Variants in NRXN1 observed in about 807,000 individuals in gnomAD.
NRXN1 encodes the protein neurexin 1.
Under a neutral mutation model 150.9 loss-of-function variants are expected in NRXN1, and 39 were observed. That is an observed-to-expected ratio of 0.26 (90% CI 0.20 to 0.34). The LOEUF (loss-of-function observed/expected upper bound fraction) is 0.34, where lower values mean the gene tolerates loss of function less well. NRXN1 is among the 10% of genes least tolerant of loss of function. The probability of loss-of-function intolerance (pLI) is 1.00; values close to 1 mark genes in which losing one functional copy is unlikely to be tolerated. For missense variants in NRXN1, 1,815 were observed against 1,949.9 expected (o/e 0.93, Z 1.30); for synonymous variants, 924 against 757.0 (o/e 1.22, Z -3.62).
intron 17 of NRXN1, among the ~76,000 whole-genome samples, chr2:50,246,944 T>G (rs1211981479): frequency 6.6e-6 from 1 of 152,108 alleles, no homozygotes; most frequent in African/African-American, 2.4e-5. Context: ...GTGCTTTTAT[T>G]CACTTACTAA....
At chr2:50,124,400 T>C (rs1181438566) in intron 18 of NRXN1, among the ~76,000 whole-genome samples, 2 of 152,190 alleles carry the variant, frequency 1.3e-5, no homozygotes, top group African/African-American at 4.8e-5. Context: ...CTGAACATCA[T>C]TTTTCATATC....
intron 5 of NRXN1, among the ~76,000 whole-genome samples, chr2:50,903,813 T>C (rs1361504647): frequency 6.6e-6 from 1 of 152,162 alleles, no homozygotes; most frequent in Non-Finnish European, 1.5e-5. Context: ...TGAACTTCTG[T>C]GATTTACTCA....
At chr2:49,949,255 C>T (rs917457266) in intron 21 of NRXN1, among the ~76,000 whole-genome samples, 1 of 151,878 alleles carries the variant, frequency 6.6e-6, no homozygotes, top group Non-Finnish European at 1.5e-5. Flanking sequence ...TAGAGAAACA[C>T]AGATGTATGT....
At chr2:50,609,899 C>T (rs748290738) in intron 8 of NRXN1, among the ~76,000 whole-genome samples, 1 of 152,012 alleles carries the variant, frequency 6.6e-6, no homozygotes, top group Non-Finnish European at 1.5e-5. Flanking sequence ...CACTCAGTCA[C>T]CAATTTTTCT....
At chr2:49,935,491 C>T (rs1486668116) in intron 22 of NRXN1, among the ~76,000 whole-genome samples, 2 of 152,078 alleles carry the variant, frequency 1.3e-5, no homozygotes, top group Admixed American at 6.6e-5. Context: ...TTGCCAGTGT[C>T]AGGCTTCTTA....
intron 17 of NRXN1, among the ~76,000 whole-genome samples, chr2:50,320,041 C>A (rs141195157): frequency 6.6e-6 from 1 of 151,552 alleles, no homozygotes; most frequent in Non-Finnish European, 1.5e-5. Context: ...CCTAACATTT[C>A]CCTAACTATG....
At chr2:50,204,842 G>C (rs369509903) in intron 18 of NRXN1, among the ~76,000 whole-genome samples, 44 of 152,064 alleles carry the variant, frequency 2.9e-4, no homozygotes, top group African/African-American at 1.1e-3. Context: ...ATCTGGATTA[G>C]TTATCATAAA....
intron 18 of NRXN1, among the ~76,000 whole-genome samples, chr2:50,186,306 A>G (rs1008852114): frequency 6.6e-6 from 1 of 152,122 alleles, no homozygotes; most frequent in African/African-American, 2.4e-5. Context: ...CTAAGTCTTC[A>G]TGTCAACATT....
intron 17 of NRXN1, among the ~76,000 whole-genome samples, chr2:50,307,070 T>C (rs1421775064): frequency 1.3e-5 from 2 of 152,020 alleles, no homozygotes; most frequent in Non-Finnish European, 2.9e-5. Flanking sequence ...CTGCAACCTC[T>C]GCCTCCCGGG....
At chr2:50,860,435 C>T (rs1407671896) in intron 5 of NRXN1, among the ~76,000 whole-genome samples, 1 of 151,942 alleles carries the variant, frequency 6.6e-6, no homozygotes, top group East Asian at 1.9e-4. Flanking sequence ...GTTTGAGGTG[C>T]GACCTGCAGA....
chr2:50,376,696 G>T (rs925120590), intron 17 of NRXN1, among the ~76,000 whole-genome samples: 1 of 152,150 alleles, frequency 6.6e-6, no homozygotes, highest in African/African-American at 2.4e-5. Context: ...AATTTTCTCT[G>T]TGGCGGATGA....
chr2:50,221,662 T>C (rs999849538), intron 18 of NRXN1, among the ~76,000 whole-genome samples: 3 of 152,006 alleles, frequency 2.0e-5, no homozygotes, highest in African/African-American at 7.2e-5. Flanking sequence ...ATAGATGCAA[T>C]AGGACTGAAG....
At chr2:50,760,927 C>T (rs989858463) in intron 5 of NRXN1, among the ~76,000 whole-genome samples, 4 of 152,046 alleles carry the variant, frequency 2.6e-5, no homozygotes, top group Middle Eastern at 3.4e-3. Context: ...TTATTGCTCA[C>T]TCAATACCTC....
At chr2:50,052,335 C>A (rs186382200) in intron 21 of NRXN1, among the ~76,000 whole-genome samples, 3 of 151,954 alleles carry the variant, frequency 2.0e-5, no homozygotes, top group African/African-American at 7.2e-5. Context: ...CAGAACAAAA[C>A]GAAACAATTA....
chr2:49,984,802 G>T (rs1007078480), intron 21 of NRXN1, among the ~76,000 whole-genome samples: 1 of 151,942 alleles, frequency 6.6e-6, no homozygotes, highest in African/African-American at 2.4e-5. Flanking sequence ...TAAGCATTCT[G>T]AAAGTTCAGA....
intron 5 of NRXN1, among the ~76,000 whole-genome samples, chr2:50,837,731 A>G (rs1318206717): frequency 1.3e-5 from 2 of 152,168 alleles, no homozygotes; most frequent in East Asian, 1.9e-4. Flanking sequence ...ATATTTTTGC[A>G]TAAGCCAAGA....
chr2:50,426,388 C>A (rs1475452380), intron 17 of NRXN1, among the ~76,000 whole-genome samples: 1 of 152,168 alleles, frequency 6.6e-6, no homozygotes, highest in Non-Finnish European at 1.5e-5. Context: ...CAGAGGAGGA[C>A]AATCTTTTTA....
intron 8 of NRXN1, among the ~76,000 whole-genome samples, chr2:50,576,507 G>A (rs1671456468): frequency 6.6e-6 from 1 of 151,236 alleles, no homozygotes; most frequent in Non-Finnish European, 1.5e-5. Flanking sequence ...TCATTTCATT[G>A]TACATCATAG....
At chr2:50,145,598 G>T (rs12994409) in intron 18 of NRXN1, among the ~76,000 whole-genome samples, 1 of 151,654 alleles carries the variant, frequency 6.6e-6, no homozygotes, top group Non-Finnish European at 1.5e-5. Context: ...TAGGGGAGAA[G>T]AAGGAAGAGA....
Sources: allele counts gnomAD v4.1 joint callset (sites outside exome capture counted in the v4.1 genomes callset), GRCh38; gene constraint gnomAD v4.1.1; transcripts MANE v1.5; gene names NCBI Gene and HGNC (gene_info 2026-07-23, HGNC 2026-07-21).